Variants in TIAM2 observed in about 807,000 individuals in gnomAD.
The protein encoded by TIAM2 is TIAM Rac1 associated GEF 2, also known as rho guanine nucleotide exchange factor TIAM2.
A neutral mutation model predicts 152.9 loss-of-function variants in TIAM2; 80 were observed. The observed-to-expected ratio is 0.52, with a 90% CI of 0.44 to 0.63. The LOEUF (loss-of-function observed/expected upper bound fraction) is 0.63. Among genes scored for constraint, TIAM2 ranks in the 30% least tolerant of loss-of-function variants. The pLI is 0.00. For missense variants in TIAM2, 1,965 were observed against 2,120.1 expected, an observed-to-expected ratio of 0.93 and a Z score of 1.44; for synonymous variants, 804 against 838.0, an observed-to-expected ratio of 0.96 and a Z score of 0.70.
chr6:155,144,014 G>T (rs1442785881), intron 5 of TIAM2, among the ~76,000 whole-genome samples: 2 of 152,152 alleles, frequency 1.3e-5, no homozygotes, highest in Admixed American at 6.5e-5. Flanking sequence ...TATGTAAAGT[G>T]CTGGATGATT....
intron 2 of TIAM2, among the ~76,000 whole-genome samples, chr6:155,117,547 A>G (rs2352420): frequency 0.34 from 52,038 of 152,100 alleles, 9,717 homozygotes; most frequent in Admixed American, 0.43. Context: ...GGCTCAAGCA[A>G]TTCTCCTGTC....
In TIAM2 at chr6:155,063,391, G is replaced by T. The variant is rs78881259; in HGVS notation, c.-208-26898G>T. On this transcript the variant is annotated intron_variant, in intron 1 of 26. Transcript: ENST00000682666. The stretch of plus-strand genomic sequence containing the variant: ...GAGAGTACATGTTGTGCGTGTGTGG[G>T]TATGTGTGTCCATGTAAATATGAAC... Among the ~76,000 whole-genome samples the T allele has an allele frequency of 8.5e-3, 1,293 of 151,706 alleles. 21 individuals carry two copies. Among genetic ancestry groups the T allele is most frequent in the African/African-American group, 0.03 (1,234 of 41,042 alleles).
intron 1 of TIAM2, among the ~76,000 whole-genome samples, chr6:155,041,054 A>G (rs1037337973): frequency 5.5e-4 from 83 of 152,200 alleles, no homozygotes; most frequent in Non-Finnish European, 6.8e-4. Context: ...TGTAGATTTC[A>G]GTGTCCACAC....
At chr6:155,161,569 T>C (rs1249077504) in intron 7 of TIAM2, among the ~76,000 whole-genome samples, 1 of 140,670 alleles carries the variant, frequency 7.1e-6, no homozygotes, top group African/African-American at 2.6e-5. Flanking sequence ...TTATTTTGTC[T>C]TTTTTTTTTT....
chr6:155,007,095 G>T (rs970387482), intron 1 of TIAM2, among the ~76,000 whole-genome samples: 3 of 152,182 alleles, frequency 2.0e-5, no homozygotes, highest in African/African-American at 7.2e-5. Flanking sequence ...CTGGCTTTTT[G>T]ATCGTACTTT....
Position 155,183,437 on chromosome 6 carries a change from C to G in TIAM2, c.3001C>G (p.Pro1001Ala), listed in dbSNP as rs773735310. The G allele has an allele frequency of 2.1e-5, 34 of 1,613,958 alleles. No homozygotes were observed. In the East Asian group the frequency reaches 4.2e-4, roughly 20 times the overall value. Residue 1001 changes from proline (P) to alanine (A), a missense_variant, in exon 14 of 27, where the codon CCT becomes GCT. Physicochemically the swap from Pro to Ala is conservative, Grantham distance 27 (BLOSUM62 -1). Around this residue, in one of 3 missense-constraint regions of TIAM2, gnomAD observed 935 missense variants for 980.0 expected, o/e 0.95. Transcript: ENST00000682666. ...FSRDQKSLLP[P>A]PNQSQLLEEF... ...CAGGGACCAGAAGAGTCTGCTGCCC[C>G]CTCCTAACCAGTCCCAACTGCTGGA...
At chr6:155,095,985 T>G (rs543821847) in intron 2 of TIAM2, among the ~76,000 whole-genome samples, 1 of 152,216 alleles carries the variant, frequency 6.6e-6, no homozygotes, top group Non-Finnish European at 1.5e-5. Context: ...AAAAACTTTG[T>G]TTTACCTTAG....
At chr6:155,151,849 C>CTTTTTTTTTTTTTTTTTTTTTTTT (rs5881123) in intron 7 of TIAM2, among the ~76,000 whole-genome samples, 1 of 127,680 alleles carries the variant, frequency 7.8e-6, no homozygotes, top group African/African-American at 3.0e-5. Context: ...CTTTTTTTTT[C>CTTTTTTTTTTTTTTTTTTTTTTTT]TTTTTTTTTT....
At chr6:155,011,489 G>A (rs1010178755) in intron 1 of TIAM2, among the ~76,000 whole-genome samples, 2 of 152,156 alleles carry the variant, frequency 1.3e-5, no homozygotes, top group African/African-American at 4.8e-5. Context: ...GATCACTTCA[G>A]TCAGTCTTAG....
At chr6:155,058,434 T>C (rs1233396659) in intron 1 of TIAM2, among the ~76,000 whole-genome samples, 1 of 152,156 alleles carries the variant, frequency 6.6e-6, no homozygotes, top group Non-Finnish European at 1.5e-5. Context: ...AAATATTGGA[T>C]AAATTTGGCA....
chr6:155,114,505 C>T (rs953940982), intron 2 of TIAM2, among the ~76,000 whole-genome samples: 2 of 152,130 alleles, frequency 1.3e-5, no homozygotes, highest in Non-Finnish European at 2.9e-5. Context: ...CCCACCCCCA[C>T]AGCCATTTGG....
rs566011244 is a variant in TIAM2 at position 155,139,965 on chromosome 6, C to A, written c.1630+2353C>A. Among the ~76,000 whole-genome samples, 347 of 151,948 alleles carry A rather than the reference C, an allele frequency of 2.3e-3. 2 individuals carry two copies. Among genetic ancestry groups the A allele is most frequent in the Non-Finnish European group, 4.3e-3 (289 of 67,982 alleles). ...AAAACAAACAAACAAACAAACAAAC[C>A]AAAACAAGTATTATGAGTGAAAAAG... On this transcript the variant is annotated intron_variant, in intron 5 of 26. Coordinates refer to ENST00000682666, the MANE Select transcript of TIAM2 (RefSeq NM_012454.4).
At chr6:155,007,596 G>C (rs955113746) in intron 1 of TIAM2, among the ~76,000 whole-genome samples, 8 of 152,102 alleles carry the variant, frequency 5.3e-5, no homozygotes, top group African/African-American at 1.4e-4. Flanking sequence ...TAAAATGTCA[G>C]GTTACTTAAA....
chr6:155,256,295 T>A (rs1784019770), intron 26 of TIAM2, 189 bp from the exon 27 acceptor site: 3 of 810,264 alleles, frequency 3.7e-6, no homozygotes, highest in East Asian at 5.3e-5. Flanking sequence ...CTTACAACTG[T>A]AAACCTAAGT....
intron 14 of TIAM2, among the ~76,000 whole-genome samples, chr6:155,196,616 A>T (rs973975414): frequency 1.3e-5 from 2 of 152,230 alleles, no homozygotes. Flanking sequence ...CATCAAAATT[A>T]GCAACATAAA....
intron 13 of TIAM2, 50 bp downstream of exon 13, chr6:155,182,368 G>T: frequency 6.9e-7 from 1 of 1,441,630 alleles, no homozygotes. Flanking sequence ...GAAACTGTGG[G>T]ATACAGTCTG....
At chr6:155,153,168 C>T (rs977543795) in intron 7 of TIAM2, among the ~76,000 whole-genome samples, 5 of 152,248 alleles carry the variant, frequency 3.3e-5, no homozygotes, top group African/African-American at 1.2e-4. Flanking sequence ...GTTCTCCCCT[C>T]CCCATAGCCC....
At chr6:155,138,040 A>C (rs1779596004) in intron 5 of TIAM2, among the ~76,000 whole-genome samples, 1 of 152,118 alleles carries the variant, frequency 6.6e-6, no homozygotes. Flanking sequence ...GGGATTCTTC[A>C]TGTTGACCAG....
chr6:155,249,370 C>A (rs1783519604), intron 20 of TIAM2, among the ~76,000 whole-genome samples: 1 of 152,218 alleles, frequency 6.6e-6, no homozygotes, highest in African/African-American at 2.4e-5. Flanking sequence ...GCAAGCCAAA[C>A]TCGAGAGCTG....
Sources: allele counts gnomAD v4.1 joint callset (sites outside exome capture counted in the v4.1 genomes callset), GRCh38; gene constraint gnomAD v4.1.1; regional missense constraint gnomAD v4.1.1; transcripts MANE v1.5; gene names NCBI Gene and HGNC (gene_info 2026-07-23, HGNC 2026-07-21).